C11orf54: variants seen among roughly 807,000 people sequenced by gnomAD.
C11orf54 encodes beta-keto L-gulonate decarboxylase.
In C11orf54, 29 loss-of-function variants were observed where a neutral mutation model predicts 35.5. That is an observed-to-expected ratio of 0.82 (90% CI 0.61 to 1.11). The LOEUF is 1.11. C11orf54 is among the 50% of genes most tolerant of loss of function. The probability of loss-of-function intolerance (pLI) is 0.00; values close to 1 mark genes in which losing one functional copy is unlikely to be tolerated. For missense variants in C11orf54, 373 were observed against 369.2 expected, an observed-to-expected ratio of 1.01 and a Z score of -0.08; for synonymous variants, 108 against 121.1, an observed-to-expected ratio of 0.89 and a Z score of 0.71.
intron 7 of C11orf54, among the ~76,000 whole-genome samples, chr11:93,758,771 C>G (rs1352066347): frequency 6.6e-6 from 1 of 152,242 alleles, no homozygotes; most frequent in Non-Finnish European, 1.5e-5. Context: ...TCAGGCACCC[C>G]TTGGCACCTA....
rs375639218 is a variant in C11orf54, at chr11:93,761,586, C to T, written c.846C>T (p.Asp282=). 1 of 1,613,246 alleles carries T rather than the reference C, an allele frequency of 6.2e-7. No homozygotes were observed. Among genetic ancestry groups the T allele is most frequent in the Non-Finnish European group, 8.5e-7 (1 of 1,179,582 alleles). The change falls in exon 9 of 9, where the codon GAC becomes GAT. Residue 282 remains aspartate, a synonymous_variant. Coordinates refer to ENST00000354421, the MANE Select transcript of C11orf54 (RefSeq NM_001286069.2). ...GAGAAGGTGGACACTACCATTATGA[C>T]ACTACTCCAGATATAGTGGAATATC... ...RHGEGGHYHY[D]TTPDIVEYLG...
At chr11:93,756,191 G>A (rs3097323) in intron 6 of C11orf54, among the ~76,000 whole-genome samples, 2,081 of 67,112 alleles carry the variant, frequency 0.031, 93 homozygotes, top group Middle Eastern at 0.062. Flanking sequence ...AAAAAAAAAA[G>A]AATAGTATGG....
intron 1 of C11orf54, chr11:93,746,891 T>C (rs1316645540): frequency 6.6e-6 from 1 of 152,322 alleles, no homozygotes; most frequent in Non-Finnish European, 1.5e-5. Flanking sequence ...TGAACACTTA[T>C]CCATAAACCC....
At chr11:93,745,492 A>G (rs2135577954) in intron 1 of C11orf54, among the ~76,000 whole-genome samples, 1 of 152,318 alleles carries the variant, frequency 6.6e-6, no homozygotes, top group South Asian at 2.1e-4. Context: ...CCTTGATTCA[A>G]TACAGCACAT....
intron 1 of C11orf54, among the ~76,000 whole-genome samples, chr11:93,744,692 A>G (rs1249198328): frequency 2.0e-5 from 3 of 152,378 alleles, no homozygotes; most frequent in African/African-American, 7.2e-5. Context: ...TATTCAACCC[A>G]AAACTGAAGG....
chr11:93,761,531 T>C lies in C11orf54; in HGVS notation c.791T>C (p.Leu264Pro). 1 of 1,607,896 alleles carries C rather than the reference T, an allele frequency of 6.2e-7. No homozygotes were observed. The highest frequency in any genetic ancestry group is 1.3e-5 in the African/African-American group (1 of 74,720). The change falls in exon 9 of 9, where the codon CTG (leucine) becomes CCG (proline). Residue 264 changes from leucine to proline, a missense_variant. Leu to Pro is a moderately conservative substitution (Grantham distance 98). Coordinates refer to ENST00000354421, the MANE Select transcript of C11orf54 (RefSeq NM_001286069.2). The stretch of plus-strand genomic sequence containing the variant: ...TTATCTTAGGGGTTTGATTTGCGAC[T>C]GGAGCACACTCATTTTTTTAGTCGT... ...VSRDPGFDLR[L>P]EHTHFFSRHG... is the part of the protein sequence containing the mutation.
In C11orf54 at chr11:93,752,036, G is replaced by C. The variant is rs146976703; in HGVS notation, c.154+1592G>C. On this transcript the variant is annotated intron_variant, in intron 3 of 8. Transcript: ENST00000354421. ...TAATTTTTGTATTTTTAGTAGAGAC[G>C]GGGTTTCATCATGTTGGCCAGGCTG... is the stretch of plus-strand genomic sequence containing the variant. Among the ~76,000 whole-genome samples, 506 of 151,426 alleles carry C rather than the reference G, an allele frequency of 3.3e-3. 3 individuals are homozygous for C. The highest frequency in any genetic ancestry group is 7.0e-3 in the Middle Eastern group (2 of 286).
At position 93,750,458 on chromosome 11, in the gene C11orf54, G is replaced by T; in HGVS notation, c.154+14G>T. 4 of 1,581,838 alleles carry T rather than the reference G, an allele frequency of 2.5e-6. No homozygotes were observed. The highest frequency in any genetic ancestry group is 1.7e-4 in the Middle Eastern group (1 of 5,934). On this transcript the variant is annotated intron_variant, in intron 3 of 8. Transcript: ENST00000354421. ...TTCCTGTAAAAGGTAAGCAATTTTT[G>T]CAATTAGCTTTTGTTTTTTAGTCAT...
At chr11:93,742,276 C>T (rs644306) in intron 1 of C11orf54, 22,165 of 152,098 alleles carry the variant, frequency 0.15, 1,886 homozygotes, top group South Asian at 0.26. Context: ...GGGTTTTTTT[C>T]TCCCAAAGTA....
intron 8 of C11orf54, 31 bp downstream of exon 8, chr11:93,759,889 T>A: frequency 8.0e-7 from 1 of 1,249,662 alleles, no homozygotes; most frequent in Non-Finnish European, 1.1e-6. Flanking sequence ...TATATTATAC[T>A]ACAATGATAA....
intron 2 of C11orf54, among the ~76,000 whole-genome samples, chr11:93,749,516 A>AAC: frequency 6.6e-6 from 1 of 151,130 alleles, no homozygotes; most frequent in South Asian, 2.1e-4. Flanking sequence ...AAAAAAAAAA[A>AAC]AAAAAAAAAA....
chr11:93,756,353 TGTG>T (rs1943156956), intron 6 of C11orf54, among the ~76,000 whole-genome samples: 2 of 149,236 alleles, frequency 1.3e-5, no homozygotes, highest in South Asian at 4.2e-4. Flanking sequence ...ATTAGCCAGG[TGTG>T]GTGGTACATG....
intron 8 of C11orf54, among the ~76,000 whole-genome samples, chr11:93,760,601 G>C (rs1360727170): frequency 6.6e-6 from 1 of 152,102 alleles, no homozygotes; most frequent in Non-Finnish European, 1.5e-5. Context: ...CTATACGCTA[G>C]AAAAAATATT....
At position 93,757,425 on chromosome 11, in the gene C11orf54, C is replaced by CT; in HGVS notation, c.620dup (p.Ile208HisfsTer24). 6.3e-7 allele frequency: 1 copy of CT among 1,598,008 alleles called. No individual in the cohort carries two copies. The highest frequency in any genetic ancestry group is 8.5e-7 in the Non-Finnish European group (1 of 1,179,728). ...AATAAGCCTATAGGAATGGGAGGTA[C>CT]TTTCATAATTCAGAAGGGAAAAGTG... On this transcript the variant is annotated frameshift_variant, in exon 7 of 9. Coordinates refer to ENST00000354421, the MANE Select transcript of C11orf54 (RefSeq NM_001286069.2). LOFTEE classifies it high-confidence loss of function.
chr11:93,750,588 T>C (rs559473713), intron 3 of C11orf54, 144 bp downstream of exon 3: 2 of 638,636 alleles, frequency 3.1e-6, no homozygotes, highest in African/African-American at 3.7e-5. Context: ...ATTTCTGTGC[T>C]CACTCTTCTG....
chr11:93,756,237 T>C (rs1406282407), intron 6 of C11orf54, among the ~76,000 whole-genome samples: 10 of 150,272 alleles, frequency 6.7e-5, no homozygotes, highest in African/African-American at 1.5e-4. Context: ...TTCCAGTCCT[T>C]TGAGAGGCCA....
intron 6 of C11orf54, among the ~76,000 whole-genome samples, chr11:93,755,804 A>G (rs1363841964): frequency 1.3e-5 from 2 of 152,016 alleles, no homozygotes. Context: ...AGCTCTTTAA[A>G]TAACCCAGTA....
At chr11:93,758,246 G>C (rs999262763) in intron 7 of C11orf54, among the ~76,000 whole-genome samples, 3 of 152,220 alleles carry the variant, frequency 2.0e-5, no homozygotes, top group African/African-American at 7.2e-5. Flanking sequence ...CCCCTTCCGA[G>C]TTGGCGCTGG....
intron 1 of C11orf54, among the ~76,000 whole-genome samples, chr11:93,743,537 A>G (rs1041435300): frequency 1.1e-4 from 16 of 151,934 alleles, no homozygotes; most frequent in African/African-American, 3.9e-4. Flanking sequence ...GCTGCGCTCC[A>G]CCCTTTATGG....
Sources: gnomAD v4.1 joint callset for allele counts (sites outside exome capture counted in the v4.1 genomes callset) on GRCh38, gnomAD v4.1.1 for gene constraint, MANE v1.5 for transcripts, NCBI Gene and HGNC (gene_info 2026-07-23, HGNC 2026-07-21) for gene names.